The following CLEC4F variants were observed in gnomAD, a reference collection of about 807,000 sequenced individuals.
CLEC4F encodes the protein C-type (calcium dependent, carbohydrate-recognition domain) lectin, superfamily member 13.
In CLEC4F, 45 loss-of-function variants were observed where a neutral mutation model predicts 53.4. The observed-to-expected ratio is 0.84, with a 90% CI of 0.66 to 1.08. The LOEUF (loss-of-function observed/expected upper bound fraction) is 1.08. Among genes scored for constraint, CLEC4F ranks in the 50% least tolerant of loss-of-function variants. CLEC4F has a pLI of 0.00. For missense variants in CLEC4F, 753 were observed against 698.2 expected, an observed-to-expected ratio of 1.08 and a Z score of -0.88; for synonymous variants, 245 against 257.5, an observed-to-expected ratio of 0.95 and a Z score of 0.46.
chr2:70,811,033 A>T (rs1553394113), intron 5 of CLEC4F: 1 of 631,280 alleles, frequency 1.6e-6, no homozygotes, highest in East Asian at 4.1e-5. Context: ...TGATTCCTTT[A>T]TGCTAACCCT....
intron 2 of CLEC4F, 38 bp downstream of exon 2, chr2:70,819,737 G>A (rs1553397421): frequency 1.4e-6 from 2 of 1,449,012 alleles, no homozygotes; most frequent in African/African-American, 2.8e-5. Flanking sequence ...GCTGAAAGGA[G>A]AGAAAGTTAG....
At chr2:70,812,081 G>A (rs1676599476) in intron 5 of CLEC4F, among the ~76,000 whole-genome samples, 1 of 152,036 alleles carries the variant, frequency 6.6e-6, no homozygotes. Flanking sequence ...ATGACAGAAC[G>A]AGACACTGTC....
In CLEC4F at chr2:70,816,425, A is replaced by T; in HGVS notation, c.956T>A (p.Phe319Tyr). Residue 319 changes from phenylalanine (F) to tyrosine (Y), a missense_variant, in exon 4 of 7, where the codon TTC becomes TAC. By Grantham distance (22) the Phe-to-Tyr change is conservative (BLOSUM62 3). Coordinates refer to ENST00000272367, the MANE Select transcript of CLEC4F (RefSeq NM_173535.3). Reference sequence around the variant, plus strand: ...AGCTCTTTCCAAATGACCTCTTAAGAACTGGATCTCAGCACTAGTGTTGTC... The same window carrying T: ...AGCTCTTTCCAAATGACCTCTTAAGTACTGGATCTCAGCACTAGTGTTGTC... Reference protein sequence around the residue: ...SFDNTSAEIQFLRGHLERAGD... With the variant: ...SFDNTSAEIQYLRGHLERAGD... The T allele has an allele frequency of 6.2e-7, 1 of 1,614,108 alleles. No homozygotes were observed. The highest frequency in any genetic ancestry group is 8.5e-7 in the Non-Finnish European group (1 of 1,180,012).
Position 70,816,476 on chromosome 2 carries a change from G to C in CLEC4F, c.905C>G (p.Thr302Ser), listed in dbSNP as rs540605788. ...AAAACTGCTTTTTATAAAGGCCTGG[G>C]TCTGGGAGTTTAAAGCATTTGTGTT... Reference protein sequence around the residue: ...LQNTNALNSQTQAFIKSSFDN... With the variant: ...LQNTNALNSQSQAFIKSSFDN... The change falls in exon 4 of 7, where the codon ACC becomes AGC. Residue 302 changes from threonine to serine, a missense_variant. Transcript: ENST00000272367. 4 of 1,614,162 alleles carry C rather than the reference G, an allele frequency of 2.5e-6. No individual in the cohort carries two copies. Among genetic ancestry groups the C allele is most frequent in the Admixed American group, 3.3e-5 (2 of 60,014 alleles).
chr2:70,816,844 C>A lies in CLEC4F; in HGVS notation c.537G>T (p.Glu179Asp). The change falls in exon 4 of 7, where the codon GAG becomes GAT. Residue 179 changes from glutamate (E) to aspartate (D), a missense_variant. Physicochemically the swap from Glu to Asp is conservative, Grantham distance 45. Transcript: ENST00000272367. The stretch of plus-strand genomic sequence containing the variant: ...CAAGGTCTTCCTTGAGCCTCTGGAT[C>A]TCAGCATTGGTTCCCTCCAGGGAAC... The part of the protein sequence containing the change: ...LRSSLEGTNA[E>D]IQRLKEDLEK... The A allele has an allele frequency of 6.2e-7, 1 of 1,614,220 alleles. No individual in the cohort carries two copies. Among genetic ancestry groups the A allele is most frequent in the Non-Finnish European group, 8.5e-7 (1 of 1,180,038 alleles).
chr2:70,812,688 C>G, intron 4 of CLEC4F, 90 bp from the exon 5 acceptor site: 1 of 1,325,096 alleles, frequency 7.5e-7, no homozygotes, highest in Non-Finnish European at 1.0e-6. Context: ...GGCCTGCCCA[C>G]TGAGGTTCAC....
Position 70,812,494 on chromosome 2 carries a change from C to G in CLEC4F, c.1492G>C (p.Val498Leu). Residue 498 changes from valine to leucine, a missense_variant, in exon 5 of 7, where the codon GTG becomes CTG. Val to Leu is a conservative substitution (Grantham distance 32, BLOSUM62 1). Transcript: ENST00000272367. ...GATGCCAGATGGGCTCCCTGGGACA[C>G]GCAGAACTGCTCAGCCTCATGCCAA... is the stretch of plus-strand genomic sequence containing the variant. The part of the protein sequence containing the change: ...KSWHEAEQFC[V>L]SQGAHLASVA... 2 of 1,614,172 alleles carry G rather than the reference C, an allele frequency of 1.2e-6. No individual in the cohort carries two copies. Among genetic ancestry groups the G allele is most frequent in the South Asian group, 1.1e-5 (1 of 91,084 alleles).
chr2:70,822,665 C>G (rs1553398270), upstream of CLEC4F, among the ~76,000 whole-genome samples: 1 of 152,228 alleles, frequency 6.6e-6, no homozygotes, highest in Admixed American at 6.5e-5. Context: ...CTTCTTGTCT[C>G]CATTACTTCA....
chr2:70,817,116 G>C lies in CLEC4F; in HGVS notation c.269-4C>G, dbSNP rs200228677. 6.2e-7 allele frequency: 1 copy of C among 1,602,094 alleles called. No homozygotes were observed. Among genetic ancestry groups the C allele is most frequent in the South Asian group, 1.1e-5 (1 of 90,600 alleles). Reference sequence around the variant, plus strand: ...TCCCTGCCAAAGTGGTGATGATCTGGAGGGAGGAAGTGAAGAAGGCAGCCA... The same window carrying C: ...TCCCTGCCAAAGTGGTGATGATCTGCAGGGAGGAAGTGAAGAAGGCAGCCA... On this transcript the variant is annotated splice_region_variant and splice_polypyrimidine_tract_variant and intron_variant, in intron 3 of 6. Coordinates refer to ENST00000272367, the MANE Select transcript of CLEC4F (RefSeq NM_173535.3).
chr2:70,821,759 C>T (rs1442068375), upstream of CLEC4F, among the ~76,000 whole-genome samples: 2 of 152,112 alleles, frequency 1.3e-5, no homozygotes, highest in African/African-American at 2.4e-5. Flanking sequence ...CCCTCTGTCA[C>T]TCAGGCTGGA....
chr2:70,819,378 C>A lies in CLEC4F; in HGVS notation c.245G>T (p.Gly82Val), dbSNP rs1677098412. 1.9e-6 allele frequency: 3 copies of A among 1,614,088 alleles called. No individual in the cohort carries two copies. The South Asian group carries it at 3.3e-5, about 18-fold the overall frequency. ...QAVILGDNIT[G>V]HLPFEPNNHH... ...ACTGTTGGGTTCAAAAGGTAAATGC[C>A]CAGTAATGTTGTCTCCCAGAATTAC... The change falls in exon 3 of 7, where the codon GGG becomes GTG. Residue 82 changes from glycine to valine, a missense_variant. Transcript: ENST00000272367.
chr2:70,820,105 A>T (rs1266780755), intron 1 of CLEC4F, among the ~76,000 whole-genome samples: 1 of 152,228 alleles, frequency 6.6e-6, no homozygotes, highest in East Asian at 1.9e-4. Context: ...TGGTAGCAAC[A>T]CAGAGCTGAG....
chr2:70,817,134 G>T, intron 3 of CLEC4F, 22 bp from the exon 4 acceptor site: 1 of 1,593,888 alleles, frequency 6.3e-7, no homozygotes, highest in Non-Finnish European at 8.5e-7. Flanking sequence ...AAGTGAAGAA[G>T]GCAGCCAAAG....
rs1490473632 is a variant in CLEC4F at position 70,813,748 on chromosome 2, G to A, written c.1388-1150C>T. Among the ~76,000 whole-genome samples the A allele has an allele frequency of 2.6e-5, 4 of 151,586 alleles. No individual in the cohort carries two copies. The East Asian group carries it at 7.7e-4, about 29-fold the overall frequency. ...GCTGGAGTGCAATGGTGCGATCTTG[G>A]CTCACTGCAACCTCTACCTCCCGGG... On this transcript the variant is annotated intron_variant, in intron 4 of 6. Transcript: ENST00000272367.
At chr2:70,813,275 A>ATCAAT (rs1676663981) in intron 4 of CLEC4F, among the ~76,000 whole-genome samples, 2 of 152,250 alleles carry the variant, frequency 1.3e-5, no homozygotes, top group Non-Finnish European at 2.9e-5. Context: ...GCCATACTGT[A>ATCAAT]CAAAGATCAA....
In CLEC4F at chr2:70,808,975, G is replaced by C; in HGVS notation, c.*296C>G. On this transcript the variant is annotated 3_prime_UTR_variant, in exon 7 of 7. Transcript: ENST00000272367. ...GGGCTTCTTGCACACCCACTGATAG[G>C]GGGTGTCACAGGTCATGTCATTCCA... The C allele has an allele frequency of 6.5e-6, 7 of 1,075,398 alleles. No homozygotes were observed. The highest frequency in any genetic ancestry group is 2.0e-5 in the Admixed American group (1 of 49,288). The allele number at this position is 1,075,398 out of a possible 1,614,324, so 66.6% of individuals were successfully genotyped here.
In CLEC4F at chr2:70,813,614, T is replaced by TCTTC. The variant is rs1480877348; in HGVS notation, c.1388-1017_1388-1016insGAAG. Among the ~76,000 whole-genome samples, 321 of 141,876 alleles carry TCTTC rather than the reference T, an allele frequency of 2.3e-3. 3 individuals are homozygous for TCTTC. Among genetic ancestry groups the TCTTC allele is most frequent in the African/African-American group, 8.6e-3 (298 of 34,828 alleles). The allele number at this position is 141,876 out of a possible 152,430, so 93.1% of individuals were successfully genotyped here. On this transcript the variant is annotated intron_variant, in intron 4 of 6. Coordinates refer to ENST00000272367, the MANE Select transcript of CLEC4F (RefSeq NM_173535.3). ...CTTTCTTTCTCTTTCTTTCTTTCTTTCTTTCTTTCTTTCTTTCTTTCTTTC... is the reference window on the plus strand; with the variant it reads ...CTTTCTTTCTCTTTCTTTCTTTCTTTCTTCCTTTCTTTCTTTCTTTCTTTCTTTC...
rs782138408 is a variant in CLEC4F at position 70,819,810 on chromosome 2, G to A, written c.143C>T (p.Thr48Ile). The change falls in exon 2 of 7, where the codon ACC (threonine) becomes ATC (isoleucine). Residue 48 changes from threonine to isoleucine, a missense_variant. Thr to Ile is a moderately conservative substitution (Grantham distance 89, BLOSUM62 -1). Transcript: ENST00000272367. ...VQATPAFMAV[T>I]LVFSLVTLFV... ...GAGAGTCACAAGAGAGAAGACCAAG[G>A]TCACAGCCATAAATGCCGGGGTAGC... 1.9e-6 allele frequency: 3 copies of A among 1,607,380 alleles called. No homozygotes were observed. Among genetic ancestry groups the A allele is most frequent in the Non-Finnish European group, 2.5e-6 (3 of 1,177,126 alleles).
At chr2:70,819,684 A>G in intron 2 of CLEC4F, 91 bp downstream of exon 2, 1 of 914,732 alleles carries the variant, frequency 1.1e-6, no homozygotes, top group Non-Finnish European at 1.7e-6. Flanking sequence ...CTGGGAGCAG[A>G]GAGGCCCAGA....
Sources: gnomAD v4.1 joint callset for allele counts (sites outside exome capture counted in the v4.1 genomes callset) on GRCh38, gnomAD v4.1.1 for gene constraint, MANE v1.5 for transcripts, NCBI Gene and HGNC (gene_info 2026-07-23, HGNC 2026-07-21) for gene names.